The following TSG101 variants were observed in gnomAD, a reference collection of about 807,000 sequenced individuals.
TSG101 encodes tumor susceptibility 101, also known as tumor susceptibility gene 101 protein.
In TSG101, 19 loss-of-function variants were observed where a neutral mutation model predicts 48.5. The ratio of observed to expected loss-of-function variants is 0.39; its 90% confidence interval spans 0.27 to 0.58. The LOEUF is 0.58. Ranked by LOEUF, TSG101 falls within the 20% of genes least tolerant of loss-of-function variation. The probability of loss-of-function intolerance (pLI) is 0.55; values close to 1 mark genes in which losing one functional copy is unlikely to be tolerated. For synonymous variants in TSG101, 174 were observed against 169.4 expected (o/e 1.03, Z -0.21); for missense variants, 365 against 484.4 (o/e 0.75, Z 2.31).
intron 1 of TSG101, among the ~76,000 whole-genome samples, chr11:18,522,593 T>G (rs1177761148): frequency 6.6e-6 from 1 of 152,238 alleles, no homozygotes; most frequent in Non-Finnish European, 1.5e-5. Flanking sequence ...GTTAACCCCC[T>G]ACAGTCTAGT....
intron 7 of TSG101, among the ~76,000 whole-genome samples, chr11:18,493,136 G>A (rs1849722785): frequency 6.6e-6 from 1 of 152,176 alleles, no homozygotes; most frequent in Admixed American, 6.5e-5. Flanking sequence ...TACAATTCCA[G>A]ATTAGCAGTT....
At chr11:18,521,157 C>A (rs941201375) in intron 1 of TSG101, among the ~76,000 whole-genome samples, 2 of 152,026 alleles carry the variant, frequency 1.3e-5, no homozygotes, top group African/African-American at 4.8e-5. Flanking sequence ...TATCAGCAAC[C>A]ACTGATGCTC....
At chr11:18,490,378 C>G (rs561847751) in intron 7 of TSG101, 1 of 601,780 alleles carries the variant, frequency 1.7e-6, no homozygotes, top group African/African-American at 1.9e-5. Context: ...ATTGCTTCAT[C>G]AAATACTGTT....
At position 18,486,335 on chromosome 11, in the gene TSG101, C is replaced by T. The variant is rs115356918; in HGVS notation, c.641-2263G>A. ...GCTGAGGGAGGCCCAGGCAGGGTGT[C>T]GCTCGTCAGAGGTCCCTGGCTTGCA... On this transcript the variant is annotated intron_variant, in intron 7 of 9. Coordinates refer to ENST00000251968, the MANE Select transcript of TSG101 (RefSeq NM_006292.4). 6.2e-3 allele frequency among the ~76,000 whole-genome samples: 950 copies of T among 152,348 alleles called. 14 individuals carry two copies. Among genetic ancestry groups the T allele is most frequent in the African/African-American group, 0.022 (905 of 41,592 alleles).
At chr11:18,489,831 T>C (rs1222560252) in intron 7 of TSG101, among the ~76,000 whole-genome samples, 1 of 152,212 alleles carries the variant, frequency 6.6e-6, no homozygotes, top group African/African-American at 2.4e-5. Context: ...TAATATAATC[T>C]CTATAACCTT....
At chr11:18,518,871 C>A (rs1850221791) in intron 2 of TSG101, among the ~76,000 whole-genome samples, 1 of 152,130 alleles carries the variant, frequency 6.6e-6, no homozygotes, top group Non-Finnish European at 1.5e-5. Context: ...TCAAGCTTAA[C>A]TATAGAATTC....
At chr11:18,497,863 T>A (rs910515455) in intron 7 of TSG101, among the ~76,000 whole-genome samples, 2 of 152,114 alleles carry the variant, frequency 1.3e-5, no homozygotes, top group Non-Finnish European at 2.9e-5. Flanking sequence ...GGAACCTGAA[T>A]AGTGTGTATC....
In TSG101 at chr11:18,502,498, C is replaced by T; in HGVS notation, c.628G>A (p.Val210Met). 6.2e-7 allele frequency: 1 copy of T among 1,612,936 alleles called. No homozygotes were observed. The highest frequency in any genetic ancestry group is 8.5e-7 in the Non-Finnish European group (1 of 1,179,420). Residue 210 changes from valine (V) to methionine (M), a missense_variant, in exon 7 of 10, where the codon GTG (valine) becomes ATG (methionine). Physicochemically the swap from Val to Met is conservative, Grantham distance 21. Transcript: ENST00000251968. ...CAAGGGTACTTACCAACAGTGGTCA[C>T]AGGAGGCTGAGAAGGGTACTGAGAA... is the stretch of plus-strand genomic sequence containing the variant. ...TSSQYPSQPP[V>M]TTVGPSRDGT...
intron 7 of TSG101, among the ~76,000 whole-genome samples, chr11:18,495,923 CAAA>C (rs36092798): frequency 4.7e-5 from 5 of 105,838 alleles, no homozygotes; most frequent in East Asian, 2.6e-4. Flanking sequence ...GACTCCGTCT[CAAA>C]AAAAAAAAAA....
At chr11:18,480,949 C>A (rs117808690) in intron 9 of TSG101, among the ~76,000 whole-genome samples, 30 of 152,312 alleles carry the variant, frequency 2.0e-4, no homozygotes, top group Non-Finnish European at 3.8e-4. Context: ...TCCAGCCATT[C>A]ATGTGGTTGT....
chr11:18,520,664 A>G (rs1565095799), intron 1 of TSG101, among the ~76,000 whole-genome samples: 1 of 152,192 alleles, frequency 6.6e-6, no homozygotes, highest in Non-Finnish European at 1.5e-5. Context: ...GAATGTGTTA[A>G]TTGTATCCCT....
rs572865417 is a variant in TSG101 at position 18,509,515 on chromosome 11, T to C, written c.481+27A>G. Reference sequence around the variant, plus strand: ...CTGTTCTCTTTTGTTTATATGAGTTTTAAAGTAAAATCTCAATTCTACTTA... The same window carrying C: ...CTGTTCTCTTTTGTTTATATGAGTTCTAAAGTAAAATCTCAATTCTACTTA... On this transcript the variant is annotated intron_variant, in intron 5 of 9. Coordinates refer to ENST00000251968, the MANE Select transcript of TSG101 (RefSeq NM_006292.4). The C allele has an allele frequency of 2.4e-5, 38 of 1,604,992 alleles. No individual in the cohort carries two copies. The South Asian group carries it at 3.8e-4, about 16-fold the overall frequency.
At chr11:18,502,433 A>G in intron 7 of TSG101, 53 bp downstream of exon 7, 7 of 1,440,192 alleles carry the variant, frequency 4.9e-6, no homozygotes, top group Non-Finnish European at 6.7e-6. Flanking sequence ...TTTTCACAAC[A>G]GGGAGTTAGA....
chr11:18,491,009 G>GT, intron 7 of TSG101: 1 of 191,062 alleles, frequency 5.2e-6, no homozygotes, highest in East Asian at 1.3e-4. Context: ...AAAGCTCCAA[G>GT]TGAGGTGACC....
At chr11:18,485,014 C>T (rs1383967312) in intron 7 of TSG101, among the ~76,000 whole-genome samples, 2 of 140,626 alleles carry the variant, frequency 1.4e-5, no homozygotes, top group Non-Finnish European at 3.0e-5. Flanking sequence ...TCTCGGCTCA[C>T]TGCAACCTCT....
chr11:18,488,250 C>CT (rs1248221563), intron 7 of TSG101, among the ~76,000 whole-genome samples: 1 of 151,756 alleles, frequency 6.6e-6, no homozygotes, highest in Non-Finnish European at 1.5e-5. Context: ...TGTTTTTTTT[C>CT]TTTTTTTGGT....
intron 1 of TSG101, among the ~76,000 whole-genome samples, chr11:18,525,045 G>T (rs1050736192): frequency 6.6e-6 from 1 of 151,472 alleles, no homozygotes; most frequent in Non-Finnish European, 1.5e-5. Flanking sequence ...CGAGTAGGCT[G>T]GGATTACAGG....
chr11:18,514,624 A>C, intron 4 of TSG101, 54 bp downstream of exon 4: 1 of 1,432,804 alleles, frequency 7.0e-7, no homozygotes, highest in South Asian at 1.6e-5. Context: ...AGCAGATGCT[A>C]GTGAGCAAAA....
chr11:18,510,004 T>G (rs144449859), intron 4 of TSG101, among the ~76,000 whole-genome samples: 1 of 152,190 alleles, frequency 6.6e-6, no homozygotes, highest in African/African-American at 2.4e-5. Flanking sequence ...GGTACAAATT[T>G]AGGGATGAAT....
Sources: allele counts gnomAD v4.1 joint callset (sites outside exome capture counted in the v4.1 genomes callset), GRCh38; gene constraint gnomAD v4.1.1; transcripts MANE v1.5; gene names NCBI Gene and HGNC (gene_info 2026-07-23, HGNC 2026-07-21).